The following RTN1 variants were observed in gnomAD, a reference collection of about 807,000 sequenced individuals.
RTN1 encodes the protein reticulon-1.
RTN1 carries 25 observed loss-of-function variants against 65.5 expected under a neutral mutation model. That is an observed-to-expected ratio of 0.38 (90% confidence interval 0.28 to 0.53). The LOEUF is 0.53. Ranked by LOEUF, RTN1 falls within the 20% of genes least tolerant of loss-of-function variation. The probability of loss-of-function intolerance (pLI) is 0.79; values close to 1 mark genes in which losing one functional copy is unlikely to be tolerated. For missense variants in RTN1, 983 were observed against 1,025.4 expected (o/e 0.96, Z 0.57); for synonymous variants, 471 against 447.6 (o/e 1.05, Z -0.66).
intron 3 of RTN1, among the ~76,000 whole-genome samples, chr14:59,660,381 C>A (rs1883218750): frequency 6.6e-6 from 1 of 152,126 alleles, no homozygotes; most frequent in Non-Finnish European, 1.5e-5. Flanking sequence ...AGTTCTGGAC[C>A]AAGCAGACCT....
chr14:59,706,351 C>G (rs1386948163), intron 3 of RTN1, among the ~76,000 whole-genome samples: 1 of 152,156 alleles, frequency 6.6e-6, no homozygotes, highest in Non-Finnish European at 1.5e-5. Flanking sequence ...CTTTACATCT[C>G]CCCTAGGAAA....
intron 1 of RTN1, among the ~76,000 whole-genome samples, chr14:59,782,530 A>G (rs749765404): frequency 4.5e-4 from 69 of 152,206 alleles, no homozygotes; most frequent in Non-Finnish European, 8.1e-4. Flanking sequence ...TTAAAGCACC[A>G]ATAAAACTTC....
At chr14:59,772,427 T>C (rs554433273) in intron 1 of RTN1, among the ~76,000 whole-genome samples, 2 of 152,140 alleles carry the variant, frequency 1.3e-5, no homozygotes, top group East Asian at 3.9e-4. Flanking sequence ...AGCATGCTAT[T>C]AGGTAATTTG....
At chr14:59,743,311 T>C (rs1415275348) in intron 2 of RTN1, among the ~76,000 whole-genome samples, 1 of 152,206 alleles carries the variant, frequency 6.6e-6, no homozygotes, top group African/African-American at 2.4e-5. Context: ...AATTTTTACA[T>C]GAAGCATGTG....
At chr14:59,861,383 C>A (rs1320948544) in intron 1 of RTN1, among the ~76,000 whole-genome samples, 2 of 152,196 alleles carry the variant, frequency 1.3e-5, no homozygotes, top group Non-Finnish European at 2.9e-5. Flanking sequence ...CCTCTCCAAC[C>A]ATATGGAACT....
chr14:59,682,829 C>T (rs1883772551), intron 3 of RTN1, among the ~76,000 whole-genome samples: 1 of 152,048 alleles, frequency 6.6e-6, no homozygotes, highest in African/African-American at 2.4e-5. Context: ...ATAGTTAGTC[C>T]CACTGAACTC....
chr14:59,649,543 A>C (rs1004211158), intron 3 of RTN1, among the ~76,000 whole-genome samples: 4 of 152,118 alleles, frequency 2.6e-5, no homozygotes, highest in Middle Eastern at 3.2e-3. Flanking sequence ...AGCTACAAGG[A>C]ACTTAAAACA....
chr14:59,819,182 A>G (rs1295658522), intron 1 of RTN1, among the ~76,000 whole-genome samples: 5 of 152,134 alleles, frequency 3.3e-5, no homozygotes, highest in African/African-American at 1.2e-4. Flanking sequence ...GTTATAGCTC[A>G]CAAAAGTGGC....
chr14:59,840,479 T>C (rs1887291023), intron 1 of RTN1, among the ~76,000 whole-genome samples: 1 of 152,190 alleles, frequency 6.6e-6, no homozygotes, highest in African/African-American at 2.4e-5. Context: ...CTCAATTTCC[T>C]CATCTGCAAG....
At chr14:59,858,736 T>G (rs1309233103) in intron 1 of RTN1, among the ~76,000 whole-genome samples, 1 of 152,180 alleles carries the variant, frequency 6.6e-6, no homozygotes, top group African/African-American at 2.4e-5. Context: ...ATGAATAATC[T>G]TCCATAAATA....
Position 59,756,507 on chromosome 14 carries a change from G to A in RTN1, c.242-10026C>T, listed in dbSNP as rs184984315. 1.2e-3 allele frequency among the ~76,000 whole-genome samples: 190 copies of A among 152,206 alleles called. 2 individuals are homozygous for A. The highest frequency in any genetic ancestry group is 4.5e-3 in the African/African-American group (187 of 41,534). The stretch of plus-strand genomic sequence containing the variant: ...CCACTATCTTCTAATTCACCCAACT[G>A]ATTTAAATGTATTCTACTCCCAATG... On this transcript the variant is annotated intron_variant, in intron 1 of 8. Transcript: ENST00000267484.
At chr14:59,833,445 T>G (rs143826874) in intron 1 of RTN1, among the ~76,000 whole-genome samples, 1 of 152,230 alleles carries the variant, frequency 6.6e-6, no homozygotes, top group Non-Finnish European at 1.5e-5. Context: ...TAGTAATATA[T>G]AAAACTCAAT....
intron 1 of RTN1, among the ~76,000 whole-genome samples, chr14:59,814,173 A>G (rs1273095785): frequency 1.3e-5 from 2 of 152,170 alleles, no homozygotes; most frequent in Non-Finnish European, 2.9e-5. Flanking sequence ...GGCTGGCAGA[A>G]GAGAGAAAAG....
intron 3 of RTN1, among the ~76,000 whole-genome samples, chr14:59,618,309 G>T (rs978996475): frequency 6.6e-6 from 1 of 152,170 alleles, no homozygotes; most frequent in Non-Finnish European, 1.5e-5. Flanking sequence ...TAAGATCAGT[G>T]CTTGAGATAT....
chr14:59,798,684 C>G (rs1886484235), intron 1 of RTN1, among the ~76,000 whole-genome samples: 1 of 152,022 alleles, frequency 6.6e-6, no homozygotes, highest in Non-Finnish European at 1.5e-5. Context: ...TTGGGCCCGC[C>G]TGGATAATCT....
chr14:59,778,130 T>A (rs1011718496), intron 1 of RTN1, among the ~76,000 whole-genome samples: 1 of 152,122 alleles, frequency 6.6e-6, no homozygotes, highest in Admixed American at 6.6e-5. Context: ...ACTCATCACC[T>A]CCTGAAGGAA....
intron 2 of RTN1, among the ~76,000 whole-genome samples, chr14:59,731,107 T>C (rs1884886113): frequency 6.6e-6 from 1 of 152,198 alleles, no homozygotes; most frequent in South Asian, 2.1e-4. Flanking sequence ...AACAATCTAA[T>C]ATCCATCAAC....
chr14:59,751,191 C>CTTTTTT (rs34021179), intron 1 of RTN1, among the ~76,000 whole-genome samples: 84 of 90,772 alleles, frequency 9.3e-4, no homozygotes, highest in Non-Finnish European at 1.1e-3. Flanking sequence ...CTCATTATAC[C>CTTTTTT]TTTTTTTTTT....
At chr14:59,610,354 G>C (rs1881909322) in intron 3 of RTN1, 1 of 554,370 alleles carries the variant, frequency 1.8e-6, no homozygotes, top group African/African-American at 1.9e-5. Flanking sequence ...CAAAAGGACT[G>C]TTATCTTAAA....
Sources: gnomAD v4.1 joint callset for allele counts (sites outside exome capture counted in the v4.1 genomes callset) on GRCh38, gnomAD v4.1.1 for gene constraint, MANE v1.5 for transcripts, NCBI Gene and HGNC (gene_info 2026-07-23, HGNC 2026-07-21) for gene names.